Variants in MPP3 observed in about 807,000 individuals in gnomAD.
The protein encoded by MPP3 is MAGUK p55 subfamily member 3.
In MPP3, 48 loss-of-function variants were observed where a neutral mutation model predicts 80.7. The ratio of observed to expected loss-of-function variants is 0.59; its 90% CI spans 0.47 to 0.76. The LOEUF is 0.76. Among genes scored for constraint, MPP3 ranks in the 30% least tolerant of loss-of-function variants. The pLI is 0.00. For synonymous variants in MPP3, 311 were observed against 297.6 expected, an observed-to-expected ratio of 1.04 and a Z score of -0.46; for missense variants, 620 against 763.0, an observed-to-expected ratio of 0.81 and a Z score of 2.21.
intron 14 of MPP3, among the ~76,000 whole-genome samples, chr17:43,814,869 C>G (rs111625715): frequency 6.6e-6 from 1 of 151,976 alleles, no homozygotes; most frequent in African/African-American, 2.4e-5. Context: ...TAAAGGGACA[C>G]GATGTCTACA....
chr17:43,806,664 C>T (rs71382996), intron 19 of MPP3, among the ~76,000 whole-genome samples: 5 of 151,962 alleles, frequency 3.3e-5, no homozygotes, highest in African/African-American at 4.8e-5. Flanking sequence ...GGCTATAGTG[C>T]GATGGCGCAA....
chr17:43,802,362 C>G (rs1043867263), intron 19 of MPP3, among the ~76,000 whole-genome samples: 1 of 152,166 alleles, frequency 6.6e-6, no homozygotes, highest in African/African-American at 2.4e-5. Context: ...GAGAAGAAAT[C>G]ATTCTAATGC....
rs2045243368 is a variant in MPP3, at chr17:43,818,113, G to A, written c.882-3C>T. 1.9e-6 allele frequency: 3 copies of A among 1,547,432 alleles called. No homozygotes were observed. The highest frequency in any genetic ancestry group is 2.5e-5 in the East Asian group (1 of 40,812). ...CGGCTCTCCGGTAGCTTAGTCGTCT[G>A]CAGGGACACAAGGGGATGGGCGGGC... On this transcript the variant is annotated splice_polypyrimidine_tract_variant and splice_region_variant and intron_variant, in intron 11 of 19. Transcript: ENST00000398389.
At chr17:43,814,867 C>T (rs534276812) in intron 14 of MPP3, among the ~76,000 whole-genome samples, 1 of 152,172 alleles carries the variant, frequency 6.6e-6, no homozygotes, top group East Asian at 1.9e-4. Flanking sequence ...GTTAAAGGGA[C>T]ACGATGTCTA....
chr17:43,810,759 G>C (rs775421220), intron 18 of MPP3, 48 bp downstream of exon 18: 2 of 1,301,986 alleles, frequency 1.5e-6, no homozygotes, highest in Admixed American at 2.0e-5. Flanking sequence ...CAATCCCCTA[G>C]TTATAAATTC....
rs552822204 is a variant in MPP3 at position 43,831,112 on chromosome 17, G to C, written c.222+132C>G. 1.0e-5 allele frequency: 8 copies of C among 800,366 alleles called. No homozygotes were observed. The South Asian group carries it at 1.3e-4, about 13-fold the overall frequency. 49.6% of individuals were successfully genotyped at this position (800,366 alleles called of 1,614,324 possible). On this transcript the variant is annotated intron_variant, in intron 5 of 19. Coordinates refer to ENST00000398389, the MANE Select transcript of MPP3 (RefSeq NM_001932.6). Reference sequence around the variant, plus strand: ...GAGAGGAAGAGAAGGAGGAGGACAAGGGAAGAAAACACCTCTTCACCTTTG... The same window carrying C: ...GAGAGGAAGAGAAGGAGGAGGACAACGGAAGAAAACACCTCTTCACCTTTG...
At chr17:43,829,611 C>T (rs1232450454) in intron 7 of MPP3, 43 bp downstream of exon 7, 1 of 1,604,766 alleles carries the variant, frequency 6.2e-7, no homozygotes, top group Non-Finnish European at 8.5e-7. Flanking sequence ...GGGTGAGAGG[C>T]AGGGGAAGAG....
At chr17:43,810,033 G>A (rs530704787) in intron 18 of MPP3, among the ~76,000 whole-genome samples, 12 of 152,224 alleles carry the variant, frequency 7.9e-5, no homozygotes, top group African/African-American at 2.9e-4. Context: ...AGAAAATTTT[G>A]AAACTCAGAC....
At chr17:43,810,045 T>C (rs956557669) in intron 18 of MPP3, among the ~76,000 whole-genome samples, 1 of 152,180 alleles carries the variant, frequency 6.6e-6, no homozygotes, top group African/African-American at 2.4e-5. Flanking sequence ...AACTCAGACT[T>C]TTAATTTTGA....
At chr17:43,806,904 A>G (rs1171050521) in intron 19 of MPP3, among the ~76,000 whole-genome samples, 1 of 151,938 alleles carries the variant, frequency 6.6e-6, no homozygotes, top group African/African-American at 2.4e-5. Context: ...CACTGCACCC[A>G]GCCAATATTG....
intron 16 of MPP3, among the ~76,000 whole-genome samples, chr17:43,813,535 C>T (rs1426474449): frequency 6.6e-6 from 1 of 152,162 alleles, no homozygotes; most frequent in African/African-American, 2.4e-5. Flanking sequence ...GGGGAGGCAT[C>T]ACCCAGGAAT....
In MPP3 at chr17:43,814,006, CT is replaced by C; in HGVS notation, c.1255+4del. 1.2e-6 allele frequency: 2 copies of C among 1,609,874 alleles called. No homozygotes were observed. Among genetic ancestry groups the C allele is most frequent in the Non-Finnish European group, 1.7e-6 (2 of 1,177,400 alleles). The stretch of plus-strand genomic sequence containing the variant: ...AAACACACACTCCCACATGGGCCCT[CT>C]TACGTGGAACAGCGACGCCAAAGTG... On this transcript the variant is annotated splice_donor_region_variant and intron_variant, in intron 16 of 19. Transcript: ENST00000398389.
chr17:43,806,042 C>T (rs1051447844), intron 19 of MPP3, among the ~76,000 whole-genome samples: 12 of 152,016 alleles, frequency 7.9e-5, no homozygotes, highest in African/African-American at 2.7e-4. Context: ...TTGCCTTTAG[C>T]GTTTTAGTGT....
intron 10 of MPP3, among the ~76,000 whole-genome samples, 185 bp downstream of exon 10, chr17:43,823,746 G>C (rs1196678085): frequency 6.6e-6 from 1 of 152,158 alleles, no homozygotes; most frequent in Non-Finnish European, 1.5e-5. Flanking sequence ...GAAAGAGGCA[G>C]GATACAAACA....
chr17:43,831,951 A>T lies in MPP3; in HGVS notation c.-37-8T>A. On this transcript the variant is annotated splice_region_variant and splice_polypyrimidine_tract_variant and intron_variant, in intron 2 of 19. Transcript: ENST00000398389. ...GACCTCTCCCTGCAGATTCTGGGAG[A>T]AGGGGGTGGAGGTGGGTATTGAAGC... 1.1e-5 allele frequency: 17 copies of T among 1,596,908 alleles called. No individual in the cohort carries two copies. The highest frequency in any genetic ancestry group is 1.5e-5 in the Non-Finnish European group (17 of 1,166,824).
chr17:43,829,026 C>T (rs948984413), intron 7 of MPP3, among the ~76,000 whole-genome samples: 1 of 152,218 alleles, frequency 6.6e-6, no homozygotes, highest in African/African-American at 2.4e-5. Flanking sequence ...TGGAGCCAAT[C>T]TCAATTCTCT....
In MPP3 at chr17:43,831,269, T is replaced by C. The variant is rs2045945706; in HGVS notation, c.197A>G (p.His66Arg). ...YERQSPTPVL[H>R]SAVALAEDVM... ...GTCCTCAGCGAGGGCCACAGCGCTG[T>C]GCAGAACTGGGGTTGGACTTTGCCT... is the stretch of plus-strand genomic sequence containing the variant. The change falls in exon 5 of 20, where the codon CAC becomes CGC. Residue 66 changes from histidine to arginine, a missense_variant. By Grantham distance (29) the His-to-Arg change is conservative. Coordinates refer to ENST00000398389, the MANE Select transcript of MPP3 (RefSeq NM_001932.6). The C allele has an allele frequency of 1.9e-6, 3 of 1,614,066 alleles. No homozygotes were observed. Among genetic ancestry groups the C allele is most frequent in the Non-Finnish European group, 2.5e-6 (3 of 1,180,026 alleles).
In MPP3 at chr17:43,811,094, G is replaced by A. The variant is rs1567801406; in HGVS notation, c.1349+18C>T. 2.5e-6 allele frequency: 4 copies of A among 1,605,780 alleles called. No individual in the cohort carries two copies. Among genetic ancestry groups the A allele is most frequent in the Non-Finnish European group, 3.4e-6 (4 of 1,172,362 alleles). On this transcript the variant is annotated intron_variant, in intron 17 of 19. Transcript: ENST00000398389. ...ACACAACTGCCTGGAGGGCCAACTG[G>A]CCCATCAAGCAACGTACTTGTTGTG...
Position 43,810,941 on chromosome 17 carries a change from G to A in MPP3, c.1350-26C>T, listed in dbSNP as rs528291459. The stretch of plus-strand genomic sequence containing the variant: ...CTAAAACACCACCAAAGGGGAAAAG[G>A]CCTTTAGTTCCTCAGCTTTCCTAAA... On this transcript the variant is annotated intron_variant, in intron 17 of 19. Transcript: ENST00000398389. 56 of 1,546,226 alleles carry A rather than the reference G, an allele frequency of 3.6e-5. No homozygotes were observed. In the East Asian group the frequency reaches 1.2e-3, roughly 33 times the overall value.
Sources: gnomAD v4.1 joint callset for allele counts (sites outside exome capture counted in the v4.1 genomes callset) on GRCh38, gnomAD v4.1.1 for gene constraint, MANE v1.5 for transcripts, NCBI Gene and HGNC (gene_info 2026-07-23, HGNC 2026-07-21) for gene names.